GRSF1: variants seen among roughly 807,000 people sequenced by gnomAD.
GRSF1 encodes G-rich sequence factor 1.
In GRSF1, 50 loss-of-function variants were observed where a neutral mutation model predicts 51.1. That is an observed-to-expected ratio of 0.98 (90% CI 0.78 to 1.24). The LOEUF is 1.24. GRSF1 is among the 50% of genes most tolerant of loss of function. GRSF1 has a pLI of 0.00. For synonymous variants in GRSF1, 293 were observed against 253.3 expected (o/e 1.16, Z -1.49); for missense variants, 700 against 639.7 (o/e 1.09, Z -1.02).
At chr4:70,829,779 T>G (rs1440407863) in intron 5 of GRSF1, among the ~76,000 whole-genome samples, 1 of 152,164 alleles carries the variant, frequency 6.6e-6, no homozygotes, top group African/African-American at 2.4e-5. Context: ...CACTTCAGCC[T>G]GGGTGACAGA....
chr4:70,841,376 AAC>A (rs1474747127), upstream of GRSF1, among the ~76,000 whole-genome samples: 4 of 152,280 alleles, frequency 2.6e-5, no homozygotes, highest in East Asian at 3.8e-4. Flanking sequence ...TTCACAAGTG[AAC>A]ACACAGAGAT....
At chr4:70,835,632 G>A (rs530562425) in intron 2 of GRSF1, among the ~76,000 whole-genome samples, 105 of 151,864 alleles carry the variant, frequency 6.9e-4, no homozygotes, top group African/African-American at 2.4e-3. Flanking sequence ...TAGTAGAGAC[G>A]GGGTTTCACT....
rs1046433378 is a variant in GRSF1 at position 70,817,226 on chromosome 4, T to G, written c.*3661A>C. ...TTTAAAATGAGCCTGCTTTTTTTTT[T>G]TCTGAGACAGGGTCTCACTCTGTCA... On this transcript the variant is annotated 3_prime_UTR_variant, in exon 10 of 10. Coordinates refer to ENST00000254799, the MANE Select transcript of GRSF1 (RefSeq NM_002092.4). 8 of 152,076 alleles carry G rather than the reference T, an allele frequency of 5.3e-5. No homozygotes were observed. Among genetic ancestry groups the G allele is most frequent in the African/African-American group, 1.7e-4 (7 of 41,392 alleles). The allele number at this position is 152,076 out of a possible 1,614,324, so 9.4% of individuals were successfully genotyped here.
chr4:70,840,511 C>G (rs1734425451), upstream of GRSF1, among the ~76,000 whole-genome samples: 1 of 152,136 alleles, frequency 6.6e-6, no homozygotes, highest in African/African-American at 2.4e-5. Flanking sequence ...CCTGTAATCC[C>G]AGCACTTTAG....
chr4:70,842,643 G>C (rs767048241), upstream of GRSF1, among the ~76,000 whole-genome samples: 19 of 151,994 alleles, frequency 1.3e-4, no homozygotes, highest in Non-Finnish European at 1.8e-4. Context: ...AAGGAAAATG[G>C]GTTAGCCCTT....
chr4:70,834,044 A>C (rs939214568), intron 2 of GRSF1, among the ~76,000 whole-genome samples: 1 of 152,168 alleles, frequency 6.6e-6, no homozygotes, highest in Non-Finnish European at 1.5e-5. Context: ...GGATCACCTG[A>C]GGTCAGGAGT....
In GRSF1 at chr4:70,819,292, G is replaced by A. The variant is rs1733420180; in HGVS notation, c.*1595C>T. The A allele has an allele frequency of 6.6e-6, 1 of 152,128 alleles. No individual in the cohort carries two copies. The highest frequency in any genetic ancestry group is 2.1e-4 in the South Asian group (1 of 4,826). The allele number at this position is 152,128 out of a possible 1,614,324, so 9.4% of individuals were successfully genotyped here. A position where few individuals can be genotyped will look rare whatever the true frequency, so the allele number is the denominator to read the frequency against. On this transcript the variant is annotated 3_prime_UTR_variant, in exon 10 of 10. Transcript: ENST00000254799. ...GAGCAACAAAGATCACATTCTAATA[G>A]TTCGTACAACTACAGATACCAGTTC...
At position 70,832,464 on chromosome 4, in the gene GRSF1, A is replaced by G; in HGVS notation, c.671-14T>C. ...TTATCTCATATACTACGAAGAAAAA[A>G]CCCAACAGGGATGAAAAATTTACAT... On this transcript the variant is annotated splice_polypyrimidine_tract_variant and intron_variant, in intron 3 of 9. Coordinates refer to ENST00000254799, the MANE Select transcript of GRSF1 (RefSeq NM_002092.4). 1.9e-6 allele frequency: 3 copies of G among 1,564,494 alleles called. No individual in the cohort carries two copies. Among genetic ancestry groups the G allele is most frequent in the Non-Finnish European group, 2.6e-6 (3 of 1,138,022 alleles).
chr4:70,841,316 A>T (rs1489132409), upstream of GRSF1, among the ~76,000 whole-genome samples: 1 of 152,178 alleles, frequency 6.6e-6, no homozygotes, highest in Admixed American at 6.5e-5. Flanking sequence ...TATATTTATT[A>T]TGTACTGATA....
At position 70,832,178 on chromosome 4, in the gene GRSF1, A is replaced by C. The variant is rs990280843; in HGVS notation, c.814+129T>G. The C allele has an allele frequency of 9.1e-6, 5 of 547,152 alleles. No homozygotes were observed. In the African/African-American group the frequency reaches 9.6e-5, roughly 10 times the overall value. 33.9% of individuals were successfully genotyped at this position (547,152 alleles called of 1,614,324 possible). A position where few individuals can be genotyped will look rare whatever the true frequency, so the allele number is the denominator to read the frequency against. On this transcript the variant is annotated intron_variant, in intron 4 of 9. Transcript: ENST00000254799. ...CTATAAATATTAGAAATTTAAGTGA[A>C]GAGCTCTCCCCTAAAGAACCTAATA...
intron 2 of GRSF1, among the ~76,000 whole-genome samples, chr4:70,834,988 CTT>C (rs528368517): frequency 1.3e-5 from 2 of 152,236 alleles, no homozygotes; most frequent in African/African-American, 2.4e-5. Flanking sequence ...TTGTTCCCCT[CTT>C]TGTGTCCATG....
At position 70,835,209 on chromosome 4, in the gene GRSF1, C is replaced by T. The variant is rs185512158; in HGVS notation, c.514+949G>A. Among the ~76,000 whole-genome samples, 482 of 151,310 alleles carry T rather than the reference C, an allele frequency of 3.2e-3. 4 individuals are homozygous for T. The highest frequency in any genetic ancestry group is 0.011 in the African/African-American group (465 of 41,396). On this transcript the variant is annotated intron_variant, in intron 2 of 9. Coordinates refer to ENST00000254799, the MANE Select transcript of GRSF1 (RefSeq NM_002092.4). Reference sequence around the variant, plus strand: ...CTGTAATCCCAGCACTGTGGGAAGCCGAGGCAGGCAGATCACAAGGTCAGG... The same window carrying T: ...CTGTAATCCCAGCACTGTGGGAAGCTGAGGCAGGCAGATCACAAGGTCAGG...
At position 70,831,499 on chromosome 4, in the gene GRSF1, T is replaced by C. The variant is rs577190324; in HGVS notation, c.950+40A>G. ...CAGCACATTCATCAAAATGACTTAA[T>C]GTGTAACACTTCTGCATCATTAGTA... On this transcript the variant is annotated intron_variant, in intron 5 of 9. Coordinates refer to ENST00000254799, the MANE Select transcript of GRSF1 (RefSeq NM_002092.4). 31 of 1,568,844 alleles carry C rather than the reference T, an allele frequency of 2.0e-5. No homozygotes were observed. The African/African-American group carries it at 3.7e-4, about 18-fold the overall frequency.
chr4:70,820,313 TTTTTG>T lies in GRSF1; in HGVS notation c.*569_*573del, dbSNP rs1733452630. On this transcript the variant is annotated 3_prime_UTR_variant, in exon 10 of 10. Coordinates refer to ENST00000254799, the MANE Select transcript of GRSF1 (RefSeq NM_002092.4). ...TGTCATTTACACTAAGCTGTGGTAT[TTTTTG>T]TTTTGATTTTTAAAAATTCCTATCT... is the stretch of plus-strand genomic sequence containing the variant. The T allele has an allele frequency of 6.7e-6, 1 of 149,978 alleles. No homozygotes were observed. The highest frequency in any genetic ancestry group is 2.4e-5 in the African/African-American group (1 of 41,192). The allele number at this position is 149,978 out of a possible 1,614,324, so 9.3% of individuals were successfully genotyped here.
chr4:70,822,605 AC>A (rs57770358), intron 9 of GRSF1, among the ~76,000 whole-genome samples: 1,584 of 5,872 alleles, frequency 0.27, 72 homozygotes, highest in African/African-American at 0.36. Context: ...AAAAAAAAAA[AC>A]AAAAGTAACC....
At chr4:70,825,465 T>C (rs192040893) in intron 7 of GRSF1, 34 bp from the exon 8 acceptor site, 27 of 1,584,894 alleles carry the variant, frequency 1.7e-5, no homozygotes, top group Middle Eastern at 1.7e-4. Flanking sequence ...AAGAGGAACA[T>C]GATGGATGTA....
At chr4:70,832,537 T>C in intron 3 of GRSF1, 87 bp from the exon 4 acceptor site, 1 of 708,258 alleles carries the variant, frequency 1.4e-6, no homozygotes, top group Non-Finnish European at 2.4e-6. Context: ...CTTGCTGGGT[T>C]ATCTGAGAAT....
At chr4:70,822,226 A>T (rs551733994) in intron 9 of GRSF1, among the ~76,000 whole-genome samples, 1 of 152,214 alleles carries the variant, frequency 6.6e-6, no homozygotes, top group African/African-American at 2.4e-5. Context: ...AAACAGTGGC[A>T]CATTAACTGT....
In GRSF1 at chr4:70,817,454, C is replaced by G. The variant is rs575619278; in HGVS notation, c.*3433G>C. On this transcript the variant is annotated 3_prime_UTR_variant, in exon 10 of 10. Transcript: ENST00000254799. ...ACTTCCTTTCTAAAAATAAGAAAAC[C>G]ACTAGAACTAAAATTCTGGACAGAA... 4.6e-5 allele frequency: 7 copies of G among 152,202 alleles called. No homozygotes were observed. The East Asian group carries it at 1.3e-3, about 29-fold the overall frequency. 9.4% of individuals were successfully genotyped at this position (152,202 alleles called of 1,614,324 possible).
Sources: gnomAD v4.1 joint callset for allele counts (sites outside exome capture counted in the v4.1 genomes callset) on GRCh38, gnomAD v4.1.1 for gene constraint, MANE v1.5 for transcripts, NCBI Gene and HGNC (gene_info 2026-07-23, HGNC 2026-07-21) for gene names.